The following GRXCR1 variants were observed in gnomAD, a reference collection of about 807,000 sequenced individuals.
GRXCR1 encodes the protein glutaredoxin and cysteine rich domain containing 1, also known as glutaredoxin domain-containing cysteine-rich protein 1.
In GRXCR1, 27 loss-of-function variants were observed where a neutral mutation model predicts 27.3. The ratio of observed to expected loss-of-function variants is 0.99; its 90% CI spans 0.73 to 1.37. The LOEUF (loss-of-function observed/expected upper bound fraction) is 1.37. Among genes scored for constraint, GRXCR1 ranks in the 40% most tolerant of loss-of-function variants. The probability of loss-of-function intolerance (pLI) is 0.00; values close to 1 mark genes in which losing one functional copy is unlikely to be tolerated. For missense variants in GRXCR1, 379 were observed against 354.4 expected (o/e 1.07, Z -0.56); for synonymous variants, 122 against 131.1 (o/e 0.93, Z 0.47).
intron 2 of GRXCR1, among the ~76,000 whole-genome samples, chr4:42,999,041 C>T (rs1354535193): frequency 2.0e-5 from 3 of 152,208 alleles, no homozygotes; most frequent in East Asian, 1.9e-4. Flanking sequence ...AGATAACAAC[C>T]GAGGTCCCTG....
intron 1 of GRXCR1, among the ~76,000 whole-genome samples, chr4:42,912,813 T>G (rs1008418915): frequency 6.6e-6 from 1 of 152,086 alleles, no homozygotes; most frequent in Non-Finnish European, 1.5e-5. Flanking sequence ...CCCACCTAAA[T>G]TGCACCTCGA....
chr4:42,942,672 TG>T (rs1461909265), intron 1 of GRXCR1, among the ~76,000 whole-genome samples: 1 of 152,108 alleles, frequency 6.6e-6, no homozygotes, highest in Non-Finnish European at 1.5e-5. Context: ...ACAAAATTAG[TG>T]GGACCAGGGT....
intron 1 of GRXCR1, among the ~76,000 whole-genome samples, chr4:42,937,959 T>C (rs927609173): frequency 6.6e-6 from 1 of 151,992 alleles, no homozygotes; most frequent in Non-Finnish European, 1.5e-5. Context: ...TTGTAAAATG[T>C]ACAACAAATT....
At chr4:43,012,189 C>A (rs1242690496) in intron 2 of GRXCR1, among the ~76,000 whole-genome samples, 14 of 152,188 alleles carry the variant, frequency 9.2e-5, no homozygotes, top group Admixed American at 9.2e-4. Flanking sequence ...GAGAGCCTAG[C>A]TAGCATGCGG....
chr4:42,988,809 T>C (rs920270533), intron 2 of GRXCR1, among the ~76,000 whole-genome samples: 1 of 152,186 alleles, frequency 6.6e-6, no homozygotes, highest in Non-Finnish European at 1.5e-5. Context: ...GGAATGCCAG[T>C]ATGCAATATA....
At chr4:42,970,722 C>T (rs144417257) in intron 2 of GRXCR1, among the ~76,000 whole-genome samples, 107 of 152,232 alleles carry the variant, frequency 7.0e-4, no homozygotes, top group African/African-American at 1.7e-3. Flanking sequence ...ACTGCTCTGA[C>T]GGTCTCTGAA....
intron 3 of GRXCR1, among the ~76,000 whole-genome samples, chr4:43,025,804 G>A (rs567833229): frequency 2.7e-4 from 41 of 152,164 alleles, no homozygotes; most frequent in African/African-American, 8.7e-4. Flanking sequence ...GTGAAACCCC[G>A]TCTCTACTAA....
At chr4:42,967,102 G>T (rs1232378049) in intron 2 of GRXCR1, among the ~76,000 whole-genome samples, 1 of 151,942 alleles carries the variant, frequency 6.6e-6, no homozygotes, top group Non-Finnish European at 1.5e-5. Context: ...TACTTTTGAT[G>T]TTGTATCTAA....
chr4:42,946,221 C>T (rs1747741447), intron 1 of GRXCR1, among the ~76,000 whole-genome samples: 1 of 152,148 alleles, frequency 6.6e-6, no homozygotes, highest in African/African-American at 2.4e-5. Context: ...AATTAGTCAT[C>T]ATCGTTATGT....
At chr4:42,934,086 C>A (rs1474434135) in intron 1 of GRXCR1, among the ~76,000 whole-genome samples, 3 of 151,772 alleles carry the variant, frequency 2.0e-5, no homozygotes, top group South Asian at 2.1e-4. Flanking sequence ...AGTTCTAAAT[C>A]AGAAAGGAGC....
At chr4:43,022,603 G>A (rs1438426897) in intron 3 of GRXCR1, among the ~76,000 whole-genome samples, 1 of 152,144 alleles carries the variant, frequency 6.6e-6, no homozygotes, top group African/African-American at 2.4e-5. Flanking sequence ...GCTGCTTTGG[G>A]ATATAGTAAA....
intron 2 of GRXCR1, among the ~76,000 whole-genome samples, chr4:43,017,363 T>A (rs528791674): frequency 4.6e-5 from 7 of 152,234 alleles, no homozygotes; most frequent in Admixed American, 4.6e-4. Context: ...AGAGTATAGG[T>A]TTTGGAGTCA....
chr4:43,023,266 G>A (rs1713148326), intron 3 of GRXCR1, among the ~76,000 whole-genome samples: 3 of 152,156 alleles, frequency 2.0e-5, no homozygotes, highest in African/African-American at 7.2e-5. Context: ...TACTTGGGTT[G>A]CTACATGGTA....
At chr4:42,899,542 C>G (rs1443863434) in intron 1 of GRXCR1, among the ~76,000 whole-genome samples, 1 of 152,102 alleles carries the variant, frequency 6.6e-6, no homozygotes, top group African/African-American at 2.4e-5. Context: ...TAGTCTTTCT[C>G]TTATTAGACC....
chr4:42,996,093 A>G (rs1216960207), intron 2 of GRXCR1, among the ~76,000 whole-genome samples: 2 of 152,218 alleles, frequency 1.3e-5, no homozygotes, highest in African/African-American at 4.8e-5. Flanking sequence ...AGAAGCATGC[A>G]CAAAAAATTA....
intron 1 of GRXCR1, among the ~76,000 whole-genome samples, chr4:42,916,638 C>T (rs530119515): frequency 1.4e-4 from 22 of 152,132 alleles, no homozygotes; most frequent in South Asian, 2.1e-4. Context: ...TATCTGAAGG[C>T]GCACAATTTC....
At chr4:43,009,521 TG>T (rs1712671303) in intron 2 of GRXCR1, among the ~76,000 whole-genome samples, 1 of 152,126 alleles carries the variant, frequency 6.6e-6, no homozygotes, top group Admixed American at 6.5e-5. Flanking sequence ...TGCCATAAAC[TG>T]GTTGGCTTAC....
chr4:42,972,554 T>C (rs2109780140), intron 2 of GRXCR1, among the ~76,000 whole-genome samples: 2 of 152,294 alleles, frequency 1.3e-5, no homozygotes, highest in Admixed American at 1.3e-4. Flanking sequence ...TAGTTTTTAG[T>C]CATAAGAACA....
chr4:43,024,434 G>T lies in GRXCR1; in HGVS notation c.693+4015G>T, dbSNP rs377231636. On this transcript the variant is annotated intron_variant, in intron 3 of 3. Transcript: ENST00000399770. ...GGTCCTTCCTAGGGGAAAGGGGGTG[G>T]CCATAGCCTGTTCTGAGGCTACAGC... 5.3e-5 allele frequency among the ~76,000 whole-genome samples: 8 copies of T among 152,120 alleles called. No homozygotes were observed. The East Asian group carries it at 1.4e-3, about 26-fold the overall frequency.
Sources: allele counts gnomAD v4.1 joint callset (sites outside exome capture counted in the v4.1 genomes callset), GRCh38; gene constraint gnomAD v4.1.1; transcripts MANE v1.5; gene names NCBI Gene and HGNC (gene_info 2026-07-23, HGNC 2026-07-21).